FMN2: variants seen among roughly 807,000 people sequenced by gnomAD.
FMN2 encodes formin-2.
Under a neutral mutation model 142.3 loss-of-function variants are expected in FMN2, and 51 were observed. That is an observed-to-expected ratio of 0.36 (90% CI 0.29 to 0.45). FMN2 has a LOEUF of 0.45. Ranked by LOEUF, FMN2 falls within the 20% of genes least tolerant of loss-of-function variation. The probability of loss-of-function intolerance (pLI) is 1.00; values close to 1 mark genes in which losing one functional copy is unlikely to be tolerated. For missense variants in FMN2, 1,936 were observed against 2,122.8 expected (o/e 0.91, Z 1.73); for synonymous variants, 882 against 869.8 (o/e 1.01, Z -0.25).
chr1:240,286,469 C>T (rs570803205), intron 7 of FMN2, among the ~76,000 whole-genome samples: 22 of 152,248 alleles, frequency 1.4e-4, no homozygotes, highest in African/African-American at 4.8e-4. Context: ...GGACAAGTGC[C>T]TGTTGCCAGT....
chr1:240,130,815 T>G (rs191343379), intron 2 of FMN2, among the ~76,000 whole-genome samples: 2 of 152,074 alleles, frequency 1.3e-5, no homozygotes, highest in Admixed American at 6.5e-5. Context: ...TCTTGCCATT[T>G]CATGGAATTC....
At position 240,440,707 on chromosome 1, in the gene FMN2, C is replaced by T. The variant is rs537200372; in HGVS notation, c.5060+2497C>T. ...TGGCAGATGAGAACGCTGCTTTGCC[C>T]ATTGACTTGCAAAATCTATTACCCT... On this transcript the variant is annotated intron_variant, in intron 16 of 17. Transcript: ENST00000319653. Among the ~76,000 whole-genome samples the T allele has an allele frequency of 2.0e-5, 3 of 152,292 alleles. No homozygotes were observed. In the South Asian group the frequency reaches 6.2e-4, roughly 32 times the overall value.
At chr1:240,160,862 TTAGAAA>T (rs1664248067) in intron 2 of FMN2, among the ~76,000 whole-genome samples, 1 of 152,090 alleles carries the variant, frequency 6.6e-6, no homozygotes, top group Non-Finnish European at 1.5e-5. Context: ...AGATAAATAA[TTAGAAA>T]TAAAATTTAC....
intron 2 of FMN2, among the ~76,000 whole-genome samples, chr1:240,132,467 G>A (rs777957982): frequency 8.5e-5 from 13 of 152,174 alleles, no homozygotes; most frequent in Non-Finnish European, 1.6e-4. Context: ...CAGAGGTGGA[G>A]GTGTTCTACT....
At chr1:240,373,645 G>A (rs539794639) in intron 14 of FMN2, among the ~76,000 whole-genome samples, 32 of 152,248 alleles carry the variant, frequency 2.1e-4, no homozygotes, top group South Asian at 2.1e-3. Context: ...GATTTGCTGC[G>A]ATTTGGTCAC....
chr1:240,103,016 C>A (rs1220231292), intron 1 of FMN2, among the ~76,000 whole-genome samples: 5 of 151,984 alleles, frequency 3.3e-5, no homozygotes, highest in Non-Finnish European at 7.4e-5. Context: ...AGGCACATGC[C>A]ACCACACCCG....
intron 6 of FMN2, among the ~76,000 whole-genome samples, chr1:240,218,834 C>G (rs1157294376): frequency 6.6e-6 from 1 of 152,042 alleles, no homozygotes; most frequent in Non-Finnish European, 1.5e-5. Flanking sequence ...TGGAACAACC[C>G]AAGAGAGACA....
intron 6 of FMN2, among the ~76,000 whole-genome samples, chr1:240,248,889 C>T (rs1342867039): frequency 6.6e-6 from 1 of 151,736 alleles, no homozygotes. Flanking sequence ...CTACTCATAT[C>T]CTCCTTAAAA....
chr1:240,376,983 T>G (rs762849598), intron 14 of FMN2, among the ~76,000 whole-genome samples: 5 of 152,186 alleles, frequency 3.3e-5, no homozygotes, highest in Non-Finnish European at 7.4e-5. Flanking sequence ...TGTGCTATTG[T>G]TGTCATATAT....
At chr1:240,433,375 C>T (rs12145827) in intron 15 of FMN2, among the ~76,000 whole-genome samples, 52,324 of 152,002 alleles carry the variant, frequency 0.34, 10,843 homozygotes, top group South Asian at 0.49. Flanking sequence ...AATAGATGCG[C>T]GAGGAAAACA....
intron 7 of FMN2, among the ~76,000 whole-genome samples, chr1:240,294,502 G>A (rs1406622533): frequency 6.6e-6 from 1 of 152,162 alleles, no homozygotes; most frequent in Admixed American, 6.5e-5. Context: ...GGAGTGATTT[G>A]CTTATTTTGC....
Position 240,474,423 on chromosome 1 carries a change from G to T in FMN2, c.*269G>T, listed in dbSNP as rs966832033. 1.4e-5 allele frequency: 5 copies of T among 347,612 alleles called. No individual in the cohort carries two copies. The Middle Eastern group carries it at 2.2e-3, about 151-fold the overall frequency. 21.5% of individuals were successfully genotyped at this position (347,612 alleles called of 1,614,324 possible). A position where few individuals can be genotyped will look rare whatever the true frequency, so the allele number is the denominator to read the frequency against. On this transcript the variant is annotated 3_prime_UTR_variant, in exon 18 of 18. Transcript: ENST00000319653. ...ATACCGATAGACCAAAACAGCATGT[G>T]TAAGAGGCAGTATCTGCACTAATTC...
At chr1:240,453,480 A>G (rs998770175) in intron 16 of FMN2, among the ~76,000 whole-genome samples, 1 of 152,150 alleles carries the variant, frequency 6.6e-6, no homozygotes, top group African/African-American at 2.4e-5. Context: ...GTCCCAACAC[A>G]GTGCCTAGTT....
At chr1:240,363,006 A>G (rs1672544199) in intron 14 of FMN2, among the ~76,000 whole-genome samples, 1 of 152,242 alleles carries the variant, frequency 6.6e-6, no homozygotes, top group South Asian at 2.1e-4. Context: ...TCACATGCTT[A>G]TAATTAAAAG....
At chr1:240,440,383 T>C (rs527447727) in intron 16 of FMN2, among the ~76,000 whole-genome samples, 1 of 152,210 alleles carries the variant, frequency 6.6e-6, no homozygotes, top group Non-Finnish European at 1.5e-5. Flanking sequence ...GAATTGTTTC[T>C]AGATGACATT....
chr1:240,113,361 C>A (rs928529818), intron 1 of FMN2, among the ~76,000 whole-genome samples: 2 of 151,796 alleles, frequency 1.3e-5, no homozygotes, highest in Non-Finnish European at 2.9e-5. Flanking sequence ...GTCAGGAGAT[C>A]GAGACCATCC....
In FMN2 at chr1:240,099,336, A is replaced by T. The variant is rs115891542; in HGVS notation, c.1615+5612A>T. Among the ~76,000 whole-genome samples, 485 of 150,676 alleles carry T rather than the reference A, an allele frequency of 3.2e-3. 2 individuals are homozygous for T. Among genetic ancestry groups the T allele is most frequent in the African/African-American group, 0.011 (450 of 41,020 alleles). On this transcript the variant is annotated intron_variant, in intron 1 of 17. Transcript: ENST00000319653. ...TTTTGTTTTTTTTTGCAAATTGTTT[A>T]TGTATTATTTTTTCTTTTTTTTTTC...
In FMN2 at chr1:240,447,337, G is replaced by A. The variant is rs76565109; in HGVS notation, c.5060+9127G>A. ...CTTTGAGAATATATATTTCAATATA[G>A]GACCTACAAAAAATAAGATAATATT... On this transcript the variant is annotated intron_variant, in intron 16 of 17. Transcript: ENST00000319653. Among the ~76,000 whole-genome samples the A allele has an allele frequency of 3.5e-4, 53 of 152,210 alleles. No homozygotes were observed. In the East Asian group the frequency reaches 0.01, roughly 29 times the overall value.
chr1:240,386,262 T>C (rs73128208), intron 14 of FMN2, among the ~76,000 whole-genome samples: 81 of 152,320 alleles, frequency 5.3e-4, no homozygotes, highest in African/African-American at 1.9e-3. Context: ...AGAAAGGCAC[T>C]GCATCTGTCT....
Sources: gnomAD v4.1 joint callset for allele counts (sites outside exome capture counted in the v4.1 genomes callset) on GRCh38, gnomAD v4.1.1 for gene constraint, MANE v1.5 for transcripts, NCBI Gene and HGNC (gene_info 2026-07-23, HGNC 2026-07-21) for gene names.